Variants in TENM2 observed in about 807,000 individuals in gnomAD.
TENM2 encodes teneurin-2.
A neutral mutation model predicts 245.2 loss-of-function variants in TENM2; 52 were observed. The observed-to-expected ratio is 0.21, with a 90% CI of 0.17 to 0.27. The LOEUF is 0.27. Among genes scored for constraint, TENM2 ranks in the 10% least tolerant of loss-of-function variants. The probability of loss-of-function intolerance (pLI) is 1.00; values close to 1 mark genes in which losing one functional copy is unlikely to be tolerated. For synonymous variants in TENM2, 1,363 were observed against 1,438.9 expected (o/e 0.95, Z 1.19); for missense variants, 3,046 against 3,666.8 (o/e 0.83, Z 4.37).
chr5:167,952,811 A>T, exon 4 of TENM2: 1 of 1,556,178 alleles, frequency 6.4e-7, no homozygotes, highest in Admixed American at 1.9e-5. Flanking sequence ...GCAACGTGCC[A>T]CTGGAGACCC....
intron 12 of TENM2, among the ~76,000 whole-genome samples, chr5:168,143,044 G>C (rs1755693231): frequency 6.6e-6 from 1 of 152,178 alleles, no homozygotes; most frequent in Non-Finnish European, 1.5e-5. Context: ...GTGCTTCCTA[G>C]GTGCTAGAAT....
At chr5:168,054,321 G>A (rs1789357727) in intron 6 of TENM2, among the ~76,000 whole-genome samples, 1 of 152,220 alleles carries the variant, frequency 6.6e-6, no homozygotes, top group African/African-American at 2.4e-5. Flanking sequence ...TGTCTCAGCT[G>A]AGCTGTATTC....
chr5:168,013,558 C>T (rs1166116085), intron 5 of TENM2, among the ~76,000 whole-genome samples: 3 of 152,132 alleles, frequency 2.0e-5, no homozygotes, highest in African/African-American at 7.2e-5. Context: ...GAGCCGAGAT[C>T]GTGCCACTGC....
chr5:167,044,080 G>GGAAA, the TENM2 span, among the ~76,000 whole-genome samples: 1,108 of 150,620 alleles, frequency 7.4e-3, 7 homozygotes, highest in Admixed American at 0.011. Context: ...AAGGAAGGAA[G>GGAAA]GAAAGACTGT....
chr5:167,766,584 G>C (rs1046645948), intron 2 of TENM2, among the ~76,000 whole-genome samples: 1 of 152,126 alleles, frequency 6.6e-6, no homozygotes. Context: ...TATGGAGAAA[G>C]TAGAACGCTT....
At chr5:168,080,710 G>A (rs920689855) in intron 7 of TENM2, among the ~76,000 whole-genome samples, 1 of 152,126 alleles carries the variant, frequency 6.6e-6, no homozygotes, top group Non-Finnish European at 1.5e-5. Context: ...TTCAGGAGCA[G>A]GTTGTTCAGT....
At chr5:168,139,862 A>G (rs189525120) in intron 12 of TENM2, among the ~76,000 whole-genome samples, 10 of 152,080 alleles carry the variant, frequency 6.6e-5, no homozygotes, top group African/African-American at 2.4e-4. Context: ...CAAATTTCCA[A>G]TTTTTCAGTA....
the TENM2 span, among the ~76,000 whole-genome samples, chr5:167,070,410 T>C: frequency 0.43 from 65,060 of 150,626 alleles, 14,705 homozygotes; most frequent in African/African-American, 0.52. Flanking sequence ...ATTATAGGCA[T>C]GAGCCACTGC....
chr5:167,069,294 G>A, the TENM2 span, among the ~76,000 whole-genome samples: 1 of 152,222 alleles, frequency 6.6e-6, no homozygotes. Flanking sequence ...TGTGGCATTT[G>A]TGTAAGATAT....
chr5:167,762,923 A>G (rs1318912982), intron 2 of TENM2, among the ~76,000 whole-genome samples: 1 of 152,200 alleles, frequency 6.6e-6, no homozygotes, highest in Non-Finnish European at 1.5e-5. Flanking sequence ...GAAATACTTT[A>G]CCAAAATTCA....
At chr5:167,178,930 T>A in the TENM2 span, among the ~76,000 whole-genome samples, 1 of 152,196 alleles carries the variant, frequency 6.6e-6, no homozygotes. Flanking sequence ...TTAGCATATA[T>A]TTTTAGAGAT....
intron 7 of TENM2, among the ~76,000 whole-genome samples, chr5:168,080,267 G>A (rs1338373607): frequency 3.3e-5 from 5 of 152,098 alleles, no homozygotes; most frequent in South Asian, 2.1e-4. Context: ...CTGTGGGATC[G>A]ATGGTGATAT....
chr5:168,218,093 T>A lies in TENM2; in HGVS notation c.4234-32T>A, dbSNP rs1184250010. ...GTTAAACGTTGGACATATTAAAGGCTGTTCTTTAATCTGATACCACGTCAT... is the reference window on the plus strand; with the variant it reads ...GTTAAACGTTGGACATATTAAAGGCAGTTCTTTAATCTGATACCACGTCAT... On this transcript the variant is annotated intron_variant, in intron 22 of 28. Coordinates refer to ENST00000518659, the Ensembl canonical transcript of TENM2. The surrounding 1 kb of genome is among the most constrained non-coding windows in gnomAD (Gnocchi z 5.2). The A allele has an allele frequency of 6.3e-7, 1 of 1,594,928 alleles. No individual in the cohort carries two copies. Among genetic ancestry groups the A allele is most frequent in the Non-Finnish European group, 8.6e-7 (1 of 1,167,424 alleles).
chr5:167,865,169 C>A (rs1015598392), intron 2 of TENM2, among the ~76,000 whole-genome samples: 14 of 152,188 alleles, frequency 9.2e-5, no homozygotes, highest in African/African-American at 3.1e-4. Flanking sequence ...TAGTTTAACG[C>A]CTTCATCTGA....
At chr5:167,846,189 G>A (rs58820246) in intron 2 of TENM2, among the ~76,000 whole-genome samples, 7,781 of 152,254 alleles carry the variant, frequency 0.051, 650 homozygotes, top group African/African-American at 0.17. Flanking sequence ...CTGAAGTGTG[G>A]ATTCCTCAAG....
chr5:167,378,727 GA>G (rs949255300), intron 2 of TENM2, among the ~76,000 whole-genome samples: 23 of 151,994 alleles, frequency 1.5e-4, no homozygotes, highest in African/African-American at 5.5e-4. Context: ...GAGTTATGGA[GA>G]AAAAGGGGTA....
intron 1 of TENM2, among the ~76,000 whole-genome samples, chr5:167,309,047 T>C (rs1451503977): frequency 3.0e-4 from 3 of 9,882 alleles, no homozygotes; most frequent in Non-Finnish European, 5.7e-4. Flanking sequence ...TGTGTGTGTT[T>C]GGTGGGGTGG....
At chr5:166,983,949 A>C in the TENM2 span, among the ~76,000 whole-genome samples, 1 of 152,108 alleles carries the variant, frequency 6.6e-6, no homozygotes, top group African/African-American at 2.4e-5. Context: ...CTATTACATG[A>C]GTTTATGATT....
chr5:167,853,989 T>C (rs1012790686), intron 2 of TENM2, among the ~76,000 whole-genome samples: 2 of 152,238 alleles, frequency 1.3e-5, no homozygotes, highest in African/African-American at 4.8e-5. Context: ...TCAGTAATTG[T>C]ACCCCTAGTG....
Sources: allele counts gnomAD v4.1 joint callset (sites outside exome capture counted in the v4.1 genomes callset), GRCh38; gene constraint gnomAD v4.1.1; non-coding constraint Gnocchi (gnomAD v3.1); transcripts MANE v1.5; gene names NCBI Gene and HGNC (gene_info 2026-07-23, HGNC 2026-07-21).